Variants in RBMS1 observed in about 807,000 individuals in gnomAD.
The protein encoded by RBMS1 is RNA binding motif single stranded interacting protein 1.
A neutral mutation model predicts 62.3 loss-of-function variants in RBMS1; 17 were observed. The ratio of observed to expected loss-of-function variants is 0.27; its 90% CI spans 0.19 to 0.41. RBMS1 has a LOEUF of 0.41. RBMS1 is among the 10% of genes least tolerant of loss of function. The pLI is 1.00. For synonymous variants in RBMS1, 172 were observed against 170.0 expected (o/e 1.01, Z -0.09); for missense variants, 334 against 504.5 (o/e 0.66, Z 3.24).
intron 2 of RBMS1, among the ~76,000 whole-genome samples, chr2:160,355,584 T>A (rs967330845): frequency 2.6e-5 from 4 of 152,084 alleles, no homozygotes; most frequent in Non-Finnish European, 5.9e-5. Context: ...GGGCAGCATG[T>A]ATCACCCACC....
At chr2:160,478,329 A>G (rs1685227382) in intron 1 of RBMS1, among the ~76,000 whole-genome samples, 1 of 152,250 alleles carries the variant, frequency 6.6e-6, no homozygotes, top group Non-Finnish European at 1.5e-5. Flanking sequence ...ACAGTGAGAA[A>G]TAAACAAAAA....
intron 2 of RBMS1, among the ~76,000 whole-genome samples, chr2:160,319,354 A>G (rs1188040545): frequency 2.6e-5 from 4 of 152,168 alleles, no homozygotes; most frequent in African/African-American, 9.7e-5. Flanking sequence ...TCTACTAAAA[A>G]TACAAAAATT....
chr2:160,372,070 T>C (rs761803838), intron 1 of RBMS1, among the ~76,000 whole-genome samples: 1 of 152,204 alleles, frequency 6.6e-6, no homozygotes, highest in Non-Finnish European at 1.5e-5. Flanking sequence ...GCAAAGATAA[T>C]TTTAAAACAA....
At chr2:160,407,393 C>A (rs961606731) in intron 1 of RBMS1, 173 of 985,662 alleles carry the variant, frequency 1.8e-4, no homozygotes, top group Non-Finnish European at 2.0e-4. Flanking sequence ...AGGCGCGGAG[C>A]CCCTGAGCGC....
intron 1 of RBMS1, among the ~76,000 whole-genome samples, chr2:160,385,485 G>T (rs1286798858): frequency 1.3e-5 from 2 of 152,346 alleles, no homozygotes; most frequent in East Asian, 1.9e-4. Context: ...TTCCCCAGAA[G>T]AGGTCCCTGG....
chr2:160,284,850 G>A lies in RBMS1; in HGVS notation c.825C>T (p.Tyr275=). The A allele has an allele frequency of 6.2e-7, 1 of 1,605,742 alleles. No homozygotes were observed. Among genetic ancestry groups the A allele is most frequent in the Middle Eastern group, 1.7e-4 (1 of 6,050 alleles). Residue 275 remains tyrosine, a synonymous_variant, in exon 9 of 14, where the codon TAC becomes TAT. Coordinates refer to ENST00000348849, the MANE Select transcript of RBMS1 (RefSeq NM_016836.4). The stretch of plus-strand genomic sequence containing the variant: ...TGATCATTCGGTTTGTAGCAATACT[G>A]TATGGTGAAGGATAAAATCTAGAAC... ...AIQNGFYPSP[Y]SIATNRMITQ...
At chr2:160,324,886 A>G (rs994302521) in intron 2 of RBMS1, among the ~76,000 whole-genome samples, 1,466 of 75,772 alleles carry the variant, frequency 0.019, 23 homozygotes, top group Non-Finnish European at 0.029. Context: ...GTGTGTGTAT[A>G]TATATATATA....
chr2:160,383,484 CTT>C (rs1285226689), intron 1 of RBMS1, among the ~76,000 whole-genome samples: 2 of 150,502 alleles, frequency 1.3e-5, no homozygotes, highest in African/African-American at 4.9e-5. Flanking sequence ...ACTACAGTGG[CTT>C]TCTCTAAAGG....
intron 1 of RBMS1, among the ~76,000 whole-genome samples, chr2:160,380,327 A>G (rs1332396788): frequency 6.6e-6 from 1 of 152,150 alleles, no homozygotes; most frequent in Non-Finnish European, 1.5e-5. Flanking sequence ...GAAAGGGAAA[A>G]ACAGACTAGA....
chr2:160,425,749 G>A (rs1433964068), intron 1 of RBMS1, among the ~76,000 whole-genome samples: 2 of 152,174 alleles, frequency 1.3e-5, no homozygotes, highest in Non-Finnish European at 2.9e-5. Flanking sequence ...TGCCTTGAAT[G>A]GAAAACTGTC....
chr2:160,491,915 G>C (rs183119374), intron 1 of RBMS1, among the ~76,000 whole-genome samples: 6 of 152,292 alleles, frequency 3.9e-5, no homozygotes, highest in Non-Finnish European at 8.8e-5. Flanking sequence ...GTGACCCAAA[G>C]TAAAGTGGGA....
chr2:160,383,319 T>C (rs797005267), intron 1 of RBMS1, among the ~76,000 whole-genome samples: 3 of 152,102 alleles, frequency 2.0e-5, no homozygotes, highest in African/African-American at 7.2e-5. Context: ...CATCCTATCC[T>C]CTTCTTGAAA....
At chr2:160,312,008 T>C (rs1346311617) in intron 4 of RBMS1, among the ~76,000 whole-genome samples, 1 of 152,214 alleles carries the variant, frequency 6.6e-6, no homozygotes, top group African/African-American at 2.4e-5. Context: ...ACTTAAGAGA[T>C]GCATGTCATT....
intron 7 of RBMS1, 32 bp from the exon 8 acceptor site, chr2:160,285,076 A>T (rs370222868): frequency 6.3e-6 from 10 of 1,590,254 alleles, no homozygotes; most frequent in Non-Finnish European, 8.6e-6. Flanking sequence ...ATAAACATTC[A>T]TCTAGAAAGG....
At position 160,311,236 on chromosome 2, in the gene RBMS1, A is replaced by ATATCTATATATCTATATATC. The variant is rs1303110202; in HGVS notation, c.402+1919_402+1920insGATATATAGATATATAGATA. 3.8e-3 allele frequency among the ~76,000 whole-genome samples: 231 copies of ATATCTATATATCTATATATC among 60,706 alleles called. 8 individuals carry two copies. The highest frequency in any genetic ancestry group is 0.035 in the East Asian group (60 of 1,700). 39.8% of individuals were successfully genotyped at this position (60,706 alleles called of 152,430 possible). ...TCTATCTATCTATCTATCTATCTATATATATATATATATATATATATAGTC... is the reference window on the plus strand; with the variant it reads ...TCTATCTATCTATCTATCTATCTATATATCTATATATCTATATATCTATATATATATATATATATATAGTC... On this transcript the variant is annotated intron_variant, in intron 4 of 13. Transcript: ENST00000348849.
intron 1 of RBMS1, among the ~76,000 whole-genome samples, chr2:160,450,574 A>AAAC (rs1683935688): frequency 1.3e-5 from 2 of 150,004 alleles, no homozygotes; most frequent in Non-Finnish European, 3.0e-5. Flanking sequence ...GAAAAAAAAA[A>AAAC]AAAAACAAAA....
At chr2:160,327,477 A>G (rs1231199887) in intron 2 of RBMS1, among the ~76,000 whole-genome samples, 1 of 152,206 alleles carries the variant, frequency 6.6e-6, no homozygotes, top group Non-Finnish European at 1.5e-5. Flanking sequence ...TCTTCTAAAT[A>G]AAAGAGCATA....
intron 6 of RBMS1, among the ~76,000 whole-genome samples, chr2:160,288,289 A>T (rs980168298): frequency 1.3e-5 from 2 of 152,190 alleles, no homozygotes; most frequent in Non-Finnish European, 2.9e-5. Flanking sequence ...CGAAGAGAAA[A>T]ATATTACTTG....
At chr2:160,332,127 C>T (rs951700687) in intron 2 of RBMS1, among the ~76,000 whole-genome samples, 1 of 151,984 alleles carries the variant, frequency 6.6e-6, no homozygotes, top group Non-Finnish European at 1.5e-5. Context: ...TTTACTGGTC[C>T]TTAAAATCTA....
Sources: gnomAD v4.1 joint callset for allele counts (sites outside exome capture counted in the v4.1 genomes callset) on GRCh38, gnomAD v4.1.1 for gene constraint, MANE v1.5 for transcripts, NCBI Gene and HGNC (gene_info 2026-07-23, HGNC 2026-07-21) for gene names.